Variants in DAPP1 observed in about 807,000 individuals in gnomAD.
DAPP1 encodes the protein dual adaptor of phosphotyrosine and 3-phosphoinositides 1, also known as dual adapter for phosphotyrosine and 3-phosphotyrosine and 3-phosphoinositide.
DAPP1 carries 20 observed loss-of-function variants against 41.5 expected under a neutral mutation model. That is an observed-to-expected ratio of 0.48 (90% CI 0.34 to 0.70). The LOEUF (loss-of-function observed/expected upper bound fraction) is 0.70. Ranked by LOEUF, DAPP1 falls within the 30% of genes least tolerant of loss-of-function variation. The probability of loss-of-function intolerance (pLI) is 0.01; values close to 1 mark genes in which losing one functional copy is unlikely to be tolerated. For missense variants in DAPP1, 233 were observed against 333.4 expected (o/e 0.70, Z 2.35); for synonymous variants, 113 against 116.2 (o/e 0.97, Z 0.18).
intron 1 of DAPP1, among the ~76,000 whole-genome samples, chr4:99,820,084 G>C (rs115880938): frequency 0.011 from 1,706 of 152,144 alleles, 38 homozygotes; most frequent in African/African-American, 0.038. Context: ...ATCTTAAATT[G>C]TTGCTCAGCT....
At chr4:99,867,226 G>A (rs1317176636) in intron 8 of DAPP1, among the ~76,000 whole-genome samples, 1 of 152,102 alleles carries the variant, frequency 6.6e-6, no homozygotes, top group Non-Finnish European at 1.5e-5. Flanking sequence ...TTCTTCCAAT[G>A]TATCAGTGAG....
chr4:99,841,465 T>C (rs993327648), intron 3 of DAPP1, among the ~76,000 whole-genome samples: 106 of 152,198 alleles, frequency 7.0e-4, no homozygotes, highest in Non-Finnish European at 1.9e-4. Context: ...AGTTATAACC[T>C]TTTTTTCCTT....
At chr4:99,819,097 G>A (rs533228187) in intron 1 of DAPP1, among the ~76,000 whole-genome samples, 16 of 152,202 alleles carry the variant, frequency 1.1e-4, no homozygotes, top group Non-Finnish European at 2.1e-4. Context: ...GGGGCATTTC[G>A]ATTAGCAACT....
intron 1 of DAPP1, among the ~76,000 whole-genome samples, chr4:99,828,214 AG>A (rs1723006512): frequency 3.3e-5 from 5 of 152,254 alleles, no homozygotes; most frequent in Admixed American, 3.3e-4. Flanking sequence ...TAAGTAGCAA[AG>A]CTTTGCACTG....
At chr4:99,831,847 G>T (rs892159374) in intron 1 of DAPP1, among the ~76,000 whole-genome samples, 17 of 151,992 alleles carry the variant, frequency 1.1e-4, no homozygotes, top group Admixed American at 2.0e-4. Flanking sequence ...CTGATTAATA[G>T]TGAGATTATT....
intron 6 of DAPP1, 36 bp from the exon 7 acceptor site, chr4:99,863,734 T>C: frequency 7.8e-7 from 1 of 1,282,662 alleles, no homozygotes; most frequent in Non-Finnish European, 1.1e-6. Flanking sequence ...TTTTTTTTTT[T>C]TAATGGTGAC....
chr4:99,836,857 AGGTGTT>A (rs1237784692), intron 2 of DAPP1, among the ~76,000 whole-genome samples: 2 of 152,348 alleles, frequency 1.3e-5, no homozygotes, highest in Non-Finnish European at 2.9e-5. Flanking sequence ...GCTGAAATAA[AGGTGTT>A]GGAGAAGCTT....
At chr4:99,831,019 T>G (rs1284781060) in intron 1 of DAPP1, among the ~76,000 whole-genome samples, 1 of 152,232 alleles carries the variant, frequency 6.6e-6, no homozygotes, top group African/African-American at 2.4e-5. Flanking sequence ...CTGATCAAGC[T>G]AAAGTCTCCT....
At chr4:99,844,940 C>CAG in intron 3 of DAPP1, among the ~76,000 whole-genome samples, 1 of 152,310 alleles carries the variant, frequency 6.6e-6, no homozygotes, top group East Asian at 1.9e-4. Context: ...CAACTAGTGA[C>CAG]AACTTAGAAT....
chr4:99,855,217 C>T (rs540564143), intron 4 of DAPP1, among the ~76,000 whole-genome samples: 12 of 152,130 alleles, frequency 7.9e-5, no homozygotes, highest in Non-Finnish European at 1.5e-4. Flanking sequence ...CCACCCTTAC[C>T]CTTAATATAG....
rs149076357 is a variant in DAPP1, at chr4:99,837,156, C to T, written c.224+1411C>T. Among the ~76,000 whole-genome samples, 4 of 152,338 alleles carry T rather than the reference C, an allele frequency of 2.6e-5. No homozygotes were observed. The East Asian group carries it at 7.7e-4, about 29-fold the overall frequency. On this transcript the variant is annotated intron_variant, in intron 2 of 8. Transcript: ENST00000512369. The stretch of plus-strand genomic sequence containing the variant: ...CCAGAGAAAACTCTGTTTTACAGGG[C>T]TCATGTGATTAGTTCAGGCCCACTC...
intron 3 of DAPP1, among the ~76,000 whole-genome samples, chr4:99,843,447 T>C (rs1440127272): frequency 6.6e-6 from 1 of 152,228 alleles, no homozygotes; most frequent in African/African-American, 2.4e-5. Context: ...TGTTTGCTAA[T>C]CTGAAAAGCA....
At chr4:99,870,353 A>G (rs947857351), downstream of DAPP1, among the ~76,000 whole-genome samples, 10 of 146,390 alleles carry the variant, frequency 6.8e-5, no homozygotes, top group Admixed American at 6.8e-5. Flanking sequence ...ATATGCGTGT[A>G]TATATATATA....
intron 1 of DAPP1, among the ~76,000 whole-genome samples, chr4:99,831,512 A>T (rs1046883596): frequency 1.4e-4 from 22 of 152,182 alleles, no homozygotes; most frequent in Admixed American, 2.0e-4. Flanking sequence ...TTTATTTATC[A>T]TCTCCATGTC....
rs554960188 is a variant in DAPP1, at chr4:99,835,686, C to T, written c.165C>T (p.Asp55=). The change falls in exon 2 of 9, where the codon GAC becomes GAT. Residue 55 remains aspartate, a synonymous_variant. Transcript: ENST00000512369. ...CTCTTCTCCTCTCAAATGGATGTGA[C>T]GGCAGCTACCTTCTGAGGGACAGCA... ...AEALLLSNGC[D]GSYLLRDSNE... The T allele has an allele frequency of 3.6e-5, 58 of 1,613,732 alleles. No individual in the cohort carries two copies. Among genetic ancestry groups the T allele is most frequent in the South Asian group, 5.5e-5 (5 of 91,062 alleles).
At chr4:99,855,632 G>T (rs935248527) in intron 4 of DAPP1, among the ~76,000 whole-genome samples, 3 of 152,164 alleles carry the variant, frequency 2.0e-5, no homozygotes, top group African/African-American at 7.2e-5. Flanking sequence ...AAAATGTAAA[G>T]GTTTCCTAGA....
At chr4:99,865,258 G>C (rs1252866355) in intron 7 of DAPP1, 2 of 152,104 alleles carry the variant, frequency 1.3e-5, no homozygotes, top group Admixed American at 6.5e-5. Flanking sequence ...AAGATTTTTG[G>C]TATTTTTGCA....
In DAPP1 at chr4:99,826,998, C is replaced by A. The variant is rs143983934; in HGVS notation, c.102-8625C>A. Among the ~76,000 whole-genome samples, 941 of 152,298 alleles carry A rather than the reference C, an allele frequency of 6.2e-3. 3 individuals carry two copies. Among genetic ancestry groups the A allele is most frequent in the Admixed American group, 9.9e-3 (152 of 15,300 alleles). On this transcript the variant is annotated intron_variant, in intron 1 of 8. Transcript: ENST00000512369. ...AAAAGTCACTTAGTACTTTGCTTTG[C>A]CCTTCTCTTCAAATGCCAAATTCTG...
At chr4:99,844,131 G>C (rs77848070) in intron 3 of DAPP1, 5 of 152,090 alleles carry the variant, frequency 3.3e-5, no homozygotes, top group Admixed American at 3.3e-4. Flanking sequence ...GCTCGCAGAC[G>C]GTTTGAAGGG....
Sources: allele counts gnomAD v4.1 joint callset (sites outside exome capture counted in the v4.1 genomes callset), GRCh38; gene constraint gnomAD v4.1.1; transcripts MANE v1.5; gene names NCBI Gene and HGNC (gene_info 2026-07-23, HGNC 2026-07-21).